The following PITPNC1 variants were observed in gnomAD, a reference collection of about 807,000 sequenced individuals.
PITPNC1 encodes the protein cytoplasmic phosphatidylinositol transfer protein 1.
In PITPNC1, 18 loss-of-function variants were observed where a neutral mutation model predicts 44.7. The ratio of observed to expected loss-of-function variants is 0.40; its 90% confidence interval spans 0.28 to 0.60. The LOEUF is 0.60. Among genes scored for constraint, PITPNC1 ranks in the 20% least tolerant of loss-of-function variants. The probability of loss-of-function intolerance (pLI) is 0.39; values close to 1 mark genes in which losing one functional copy is unlikely to be tolerated. For synonymous variants in PITPNC1, 141 were observed against 149.6 expected (o/e 0.94, Z 0.42); for missense variants, 290 against 418.4 (o/e 0.69, Z 2.68).
At chr17:67,551,039 T>C (rs572956486) in intron 2 of PITPNC1, among the ~76,000 whole-genome samples, 252 of 152,138 alleles carry the variant, frequency 1.7e-3, no homozygotes, top group Admixed American at 5.6e-3. Context: ...CCAGCCTGGG[T>C]GACAGAGCGA....
chr17:67,494,185 T>TTCTCTCTTTCTTTC, intron 1 of PITPNC1, among the ~76,000 whole-genome samples: 2 of 102,496 alleles, frequency 2.0e-5, no homozygotes, highest in African/African-American at 7.6e-5. Flanking sequence ...CTTTCTTTCT[T>TTCTCTCTTTCTTTC]TTTCTTTCTT....
At chr17:67,527,995 T>G (rs941873046) in intron 1 of PITPNC1, among the ~76,000 whole-genome samples, 3 of 152,170 alleles carry the variant, frequency 2.0e-5, no homozygotes, top group Non-Finnish European at 4.4e-5. Context: ...AGTAAGACCC[T>G]GCTGCTTTTA....
intron 1 of PITPNC1, among the ~76,000 whole-genome samples, chr17:67,430,934 G>A (rs117224987): frequency 0.038 from 5,794 of 152,144 alleles, 149 homozygotes; most frequent in Middle Eastern, 0.062. Flanking sequence ...GTGTGACAAA[G>A]CAAGACCCCA....
rs114674645 is a variant in PITPNC1, at chr17:67,516,874, C to T, written c.49-15928C>T. ...ACCTCAGGTGATCTGTCTGCCAAAG[C>T]GCTGAGATTACAGGCATAAGCCACC... On this transcript the variant is annotated intron_variant, in intron 1 of 8. Transcript: ENST00000581322. Among the ~76,000 whole-genome samples, 717 of 152,178 alleles carry T rather than the reference C, an allele frequency of 4.7e-3. 4 individuals carry two copies. The highest frequency in any genetic ancestry group is 0.017 in the African/African-American group (690 of 41,496).
chr17:67,473,904 AT>A (rs1304993230), intron 1 of PITPNC1, among the ~76,000 whole-genome samples: 2 of 152,140 alleles, frequency 1.3e-5, no homozygotes, highest in Admixed American at 6.5e-5. Context: ...TTCTGCCTTT[AT>A]TACATGGAAT....
intron 5 of PITPNC1, among the ~76,000 whole-genome samples, chr17:67,595,265 T>G (rs576025573): frequency 6.6e-6 from 1 of 152,320 alleles, no homozygotes; most frequent in Non-Finnish European, 1.5e-5. Context: ...GTTAACTTTT[T>G]CCAGGGCACT....
At chr17:67,691,537 G>A (rs1276987388) in intron 8 of PITPNC1, among the ~76,000 whole-genome samples, 2 of 151,766 alleles carry the variant, frequency 1.3e-5, no homozygotes, top group Admixed American at 6.6e-5. Flanking sequence ...TTATTTTCTT[G>A]GCTTTGGAAT....
Position 67,597,327 on chromosome 17 carries a change from G to GT in PITPNC1, c.366+19071dup, listed in dbSNP as rs1349558086. On this transcript the variant is annotated intron_variant, in intron 5 of 8. Coordinates refer to ENST00000581322, the MANE Select transcript of PITPNC1 (RefSeq NM_012417.4). This position sits in a 1 kb window ranked among gnomAD's most constrained non-coding sequence, Gnocchi z 4.0. The stretch of plus-strand genomic sequence containing the variant: ...CCCGCACTTTGGGAGGCCAAAGTGG[G>GT]TATCTTACTTGAAGTCAGGAATTCG... 6.6e-6 allele frequency among the ~76,000 whole-genome samples: 1 copy of GT among 152,146 alleles called. No homozygotes were observed. Among genetic ancestry groups the GT allele is most frequent in the Non-Finnish European group, 1.5e-5 (1 of 68,024 alleles).
chr17:67,397,613 A>G (rs2038238954), intron 1 of PITPNC1, among the ~76,000 whole-genome samples: 1 of 152,144 alleles, frequency 6.6e-6, no homozygotes, highest in East Asian at 1.9e-4. Flanking sequence ...TGCACTGAAC[A>G]TCTCTCTAAA....
At chr17:67,419,346 C>T (rs533109212) in intron 1 of PITPNC1, among the ~76,000 whole-genome samples, 7 of 152,230 alleles carry the variant, frequency 4.6e-5, no homozygotes, top group South Asian at 2.1e-4. Flanking sequence ...TGGAGTAGGA[C>T]GCAGACATGA....
chr17:67,548,289 CGTTTAAAA>C (rs2040711875), intron 2 of PITPNC1, among the ~76,000 whole-genome samples: 1 of 152,158 alleles, frequency 6.6e-6, no homozygotes, highest in African/African-American at 2.4e-5. Flanking sequence ...TTTATACCAA[CGTTTAAAA>C]GTAAGAACCC....
intron 1 of PITPNC1, among the ~76,000 whole-genome samples, chr17:67,447,912 C>T (rs1598675352): frequency 6.7e-6 from 1 of 149,522 alleles, no homozygotes; most frequent in Non-Finnish European, 1.5e-5. Context: ...CTTTCTTTCT[C>T]TCTCTGTCTC....
intron 4 of PITPNC1, among the ~76,000 whole-genome samples, chr17:67,574,929 A>G (rs2041118193): frequency 1.3e-5 from 2 of 152,174 alleles, no homozygotes; most frequent in Non-Finnish European, 2.9e-5. Context: ...TGATATGAAA[A>G]TAACCAAAGT....
intron 1 of PITPNC1, among the ~76,000 whole-genome samples, chr17:67,427,532 CCTCCTCGGA>C (rs545584032): frequency 7.5e-4 from 114 of 152,212 alleles, no homozygotes; most frequent in Middle Eastern, 3.4e-3. Context: ...ACTATGAAAA[CCTCCTCGGA>C]CTCCTCGGAC....
chr17:67,412,992 ATACC>A (rs2038526940), intron 1 of PITPNC1, among the ~76,000 whole-genome samples: 1 of 152,214 alleles, frequency 6.6e-6, no homozygotes, highest in East Asian at 1.9e-4. Context: ...TTGCTAGATA[ATACC>A]TTCGGTGTTT....
chr17:67,513,353 G>GTATCTATATCTATATCTATATCTA (rs66547837), intron 1 of PITPNC1, among the ~76,000 whole-genome samples: 76 of 139,238 alleles, frequency 5.5e-4, no homozygotes, highest in African/African-American at 1.8e-3. Flanking sequence ...GGAAGAGTCT[G>GTATCTATATCTATATCTATATCTA]TATCTATATC....
intron 1 of PITPNC1, among the ~76,000 whole-genome samples, chr17:67,415,579 T>G (rs951341985): frequency 6.6e-5 from 10 of 152,212 alleles, no homozygotes; most frequent in Non-Finnish European, 1.5e-5. Flanking sequence ...AGTTAACTTT[T>G]AATATTGCTT....
At position 67,675,347 on chromosome 17, in the gene PITPNC1, T is replaced by C. The variant is rs1286296437; in HGVS notation, c.619-132T>C. 12 of 691,848 alleles carry C rather than the reference T, an allele frequency of 1.7e-5. No individual in the cohort carries two copies. In the East Asian group the frequency reaches 2.5e-4, roughly 15 times the overall value. 42.9% of individuals were successfully genotyped at this position (691,848 alleles called of 1,614,324 possible). A position where few individuals can be genotyped will look rare whatever the true frequency, so the allele number is the denominator to read the frequency against. On this transcript the variant is annotated intron_variant, in intron 7 of 8. Coordinates refer to ENST00000581322, the MANE Select transcript of PITPNC1 (RefSeq NM_012417.4). ...TATAGGACCTATAGGCAGCCTGTAA[T>C]TGTCATCACCTATGGACAGAGGGAT...
chr17:67,634,974 A>G (rs1449497248), intron 6 of PITPNC1, among the ~76,000 whole-genome samples: 1 of 152,186 alleles, frequency 6.6e-6, no homozygotes, highest in Non-Finnish European at 1.5e-5. Context: ...AATCACTTGA[A>G]GTCCCAGCGA....
Sources: gnomAD v4.1 joint callset for allele counts (sites outside exome capture counted in the v4.1 genomes callset) on GRCh38, gnomAD v4.1.1 for gene constraint, Gnocchi (gnomAD v3.1) non-coding constraint, MANE v1.5 for transcripts, NCBI Gene and HGNC (gene_info 2026-07-23, HGNC 2026-07-21) for gene names.